The following GRIK5 variants were observed in gnomAD, a reference collection of about 807,000 sequenced individuals.
GRIK5 encodes glutamate ionotropic receptor kainate type subunit 5.
A neutral mutation model predicts 97.4 loss-of-function variants in GRIK5; 43 were observed. The ratio of observed to expected loss-of-function variants is 0.44; its 90% CI spans 0.35 to 0.57. The LOEUF (loss-of-function observed/expected upper bound fraction) is 0.57, where lower values mean the gene tolerates loss of function less well. GRIK5 is among the 20% of genes least tolerant of loss of function. GRIK5 has a pLI of 0.01. For missense variants in GRIK5, 1,015 were observed against 1,382.0 expected, an observed-to-expected ratio of 0.73 and a Z score of 4.21; for synonymous variants, 580 against 583.5, an observed-to-expected ratio of 0.99 and a Z score of 0.09.
At chr19:42,069,100 C>T (rs45553045) in intron 1 of GRIK5, 141 bp downstream of exon 1, 24,236 of 442,252 alleles carry the variant, frequency 0.055, 847 homozygotes, top group Non-Finnish European at 0.07. Flanking sequence ...AGATGGAGGG[C>T]GCAGAGCAGG....
At chr19:42,049,877 G>T (rs1377344954) in intron 11 of GRIK5, among the ~76,000 whole-genome samples, 1 of 152,118 alleles carries the variant, frequency 6.6e-6, no homozygotes, top group Admixed American at 6.5e-5. Flanking sequence ...ATTTCCTGCA[G>T]TGTCAACACT....
At chr19:42,028,796 C>CA (rs2075802952) in intron 12 of GRIK5, among the ~76,000 whole-genome samples, 1 of 152,262 alleles carries the variant, frequency 6.6e-6, no homozygotes, top group Non-Finnish European at 1.5e-5. Context: ...TCCAGCCCAT[C>CA]TGCCTGCCTT....
At chr19:42,057,280 CA>C (rs2146156581) in intron 6 of GRIK5, among the ~76,000 whole-genome samples, 1 of 152,150 alleles carries the variant, frequency 6.6e-6, no homozygotes, top group African/African-American at 2.4e-5. Context: ...ATAGGACTCC[CA>C]AATGTCCCCT....
chr19:41,998,875 T>A lies in GRIK5; in HGVS notation c.2939A>T (p.Glu980Val). The A allele has an allele frequency of 1.8e-6, 2 of 1,114,540 alleles. No homozygotes were observed. Among genetic ancestry groups the A allele is most frequent in the Non-Finnish European group, 2.2e-6 (2 of 913,004 alleles). 69.0% of individuals were successfully genotyped at this position (1,114,540 alleles called of 1,614,324 possible). The change falls in exon 20 of 20, where the codon GAG (glutamate) becomes GTG (valine). Residue 980 changes from glutamate (E) to valine (V), a missense_variant. By Grantham distance (121) the Glu-to-Val change is moderately radical. Transcript: ENST00000593562. The part of the protein sequence containing the change: ...PAGPRELAEH[E>V] The stretch of plus-strand genomic sequence containing the variant: ...CCCGCACAGCCCCGCCCGTGGTCAC[T>A]CGTGCTCCGCCAGCTCCCGGGGGCC...
Position 42,002,281 on chromosome 19 carries a change from C to A in GRIK5, c.2514+1051G>T. On this transcript the variant is annotated intron_variant, in intron 19 of 19. Coordinates refer to ENST00000593562, the MANE Select transcript of GRIK5 (RefSeq NM_002088.5). The surrounding 1 kb of genome is among the most constrained non-coding windows in gnomAD (Gnocchi z 5.2). ...TGTAAAGAGAAGGGAAGAAAGTGGG[C>A]GGTGGCTGGGAGGGAAAGTGAGGTC... The A allele has an allele frequency of 1.4e-6, 1 of 717,550 alleles. No individual in the cohort carries two copies. The highest frequency in any genetic ancestry group is 2.6e-6 in the Non-Finnish European group (1 of 385,090). 44.4% of individuals were successfully genotyped at this position (717,550 alleles called of 1,614,324 possible).
At chr19:42,068,070 AAG>A (rs1444599988) in intron 1 of GRIK5, among the ~76,000 whole-genome samples, 1 of 152,204 alleles carries the variant, frequency 6.6e-6, no homozygotes, top group Non-Finnish European at 1.5e-5. Flanking sequence ...AAACTCTACA[AAG>A]AGAGAGGGCC....
intron 1 of GRIK5, among the ~76,000 whole-genome samples, chr19:42,066,929 C>G (rs2076341835): frequency 6.6e-6 from 1 of 152,114 alleles, no homozygotes; most frequent in South Asian, 2.1e-4. Flanking sequence ...TACCACTGCC[C>G]CCCACCCTAC....
rs1555871589 is a variant in GRIK5, at chr19:42,003,489, TGGGGCTGTGTGGGAAG to T, written c.2392+50_2393-37del. The T allele has an allele frequency of 1.3e-6, 2 of 1,571,950 alleles. No homozygotes were observed. Among genetic ancestry groups the T allele is most frequent in the Non-Finnish European group, 1.7e-6 (2 of 1,151,488 alleles). ...AAGGGAGTTGGGGGGCAAAGGGAGTTGGGGCTGTGTGGGAAGGGGGCTGGGAGGGGGCTATGGGAAG... is the reference window on the plus strand; with the variant it reads ...AAGGGAGTTGGGGGGCAAAGGGAGTTGGGGCTGGGAGGGGGCTATGGGAAG... On this transcript the variant is annotated intron_variant, in intron 18 of 19. Coordinates refer to ENST00000593562, the MANE Select transcript of GRIK5 (RefSeq NM_002088.5). The surrounding 1 kb of genome is among the most constrained non-coding windows in gnomAD (Gnocchi z 4.2).
At chr19:42,009,368 G>A (rs1273053108) in intron 15 of GRIK5, among the ~76,000 whole-genome samples, 3 of 151,594 alleles carry the variant, frequency 2.0e-5, no homozygotes, top group African/African-American at 4.8e-5. Flanking sequence ...TCAGCCTCCT[G>A]AATAGCTGGG....
intron 12 of GRIK5, among the ~76,000 whole-genome samples, chr19:42,040,788 A>C (rs1370195921): frequency 6.6e-6 from 1 of 152,066 alleles, no homozygotes; most frequent in Non-Finnish European, 1.5e-5. Flanking sequence ...CGGGAGGTGG[A>C]GGTTGCAGGG....
rs376314412 is a variant in GRIK5 at position 42,068,995 on chromosome 19, C to T, written c.-51+246G>A. 1.3e-4 allele frequency: 69 copies of T among 532,132 alleles called. No individual in the cohort carries two copies. In the South Asian group the frequency reaches 1.6e-3, roughly 12 times the overall value. The allele number at this position is 532,132 out of a possible 1,614,324, so 33.0% of individuals were successfully genotyped here. ...GAGCCCAAGTAAGAGCAATCAGCCCCGTAGGACCCCAGAAAGCTAGAGGGC... is the reference window on the plus strand; with the variant it reads ...GAGCCCAAGTAAGAGCAATCAGCCCTGTAGGACCCCAGAAAGCTAGAGGGC... On this transcript the variant is annotated intron_variant, in intron 1 of 19. Transcript: ENST00000593562.
At chr19:42,066,769 G>A (rs1056565987) in intron 1 of GRIK5, among the ~76,000 whole-genome samples, 5 of 151,930 alleles carry the variant, frequency 3.3e-5, no homozygotes, top group Non-Finnish European at 5.9e-5. Flanking sequence ...GCAGGCTGGA[G>A]GTGGGGAAAC....
intron 11 of GRIK5, among the ~76,000 whole-genome samples, chr19:42,050,851 C>CA (rs2076105831): frequency 7.0e-6 from 1 of 142,722 alleles, no homozygotes; most frequent in South Asian, 2.5e-4. Flanking sequence ...GCACAACACT[C>CA]AAAGCCATGA....
rs1354011309 is a variant in GRIK5, at chr19:42,056,913, G to C, written c.741+12C>G. The C allele has an allele frequency of 2.5e-6, 4 of 1,599,082 alleles. No individual in the cohort carries two copies. The highest frequency in any genetic ancestry group is 3.4e-6 in the Non-Finnish European group (4 of 1,172,394). On this transcript the variant is annotated intron_variant, in intron 7 of 19. Transcript: ENST00000593562. ...GAAGTGGGGGCAGAGATGGGCCAGA[G>C]GGCATACACACCATGGTGGTGAGGA...
chr19:42,010,996 G>A (rs1281838048), intron 15 of GRIK5, among the ~76,000 whole-genome samples: 1 of 151,830 alleles, frequency 6.6e-6, no homozygotes, highest in Admixed American at 6.6e-5. Context: ...TTGTAGAGAT[G>A]AGGTCTCGCT....
chr19:42,030,186 T>C (rs560405346), intron 12 of GRIK5, among the ~76,000 whole-genome samples: 37 of 152,300 alleles, frequency 2.4e-4, no homozygotes, highest in Admixed American at 7.9e-4. Context: ...TTGTTTTTAT[T>C]TTTGTTTTTG....
At chr19:42,028,004 TC>T (rs2146070366) in intron 12 of GRIK5, among the ~76,000 whole-genome samples, 1 of 152,196 alleles carries the variant, frequency 6.6e-6, no homozygotes, top group South Asian at 2.1e-4. Context: ...GCTAATTTTT[TC>T]ATTTTTTGTA....
At chr19:42,064,326 T>G (rs2076299301) in intron 3 of GRIK5, among the ~76,000 whole-genome samples, 1 of 152,172 alleles carries the variant, frequency 6.6e-6, no homozygotes, top group South Asian at 2.1e-4. Context: ...ACAGCCTCGC[T>G]TCCTACTACC....
intron 8 of GRIK5, among the ~76,000 whole-genome samples, 175 bp downstream of exon 8, chr19:42,056,487 G>A (rs1420363075): frequency 6.6e-6 from 1 of 152,120 alleles, no homozygotes; most frequent in Non-Finnish European, 1.5e-5. Flanking sequence ...TGGCCAGAGT[G>A]GTGTGGGAGG....
Sources: allele counts gnomAD v4.1 joint callset (sites outside exome capture counted in the v4.1 genomes callset), GRCh38; gene constraint gnomAD v4.1.1; non-coding constraint Gnocchi (gnomAD v3.1); transcripts MANE v1.5; gene names NCBI Gene and HGNC (gene_info 2026-07-23, HGNC 2026-07-21).